Variants in ARMH4 observed in about 807,000 individuals in gnomAD.
ARMH4 encodes armadillo-like helical domain-containing protein 4.
ARMH4 carries 49 observed loss-of-function variants against 61.9 expected under a neutral mutation model. The observed-to-expected ratio is 0.79, with a 90% CI of 0.63 to 1.00. The LOEUF is 1.00. ARMH4 is among the 50% of genes least tolerant of loss of function. ARMH4 has a pLI of 0.00. For synonymous variants in ARMH4, 368 were observed against 341.5 expected, an observed-to-expected ratio of 1.08 and a Z score of -0.85; for missense variants, 934 against 930.0, an observed-to-expected ratio of 1.00 and a Z score of -0.06.
At chr14:58,137,599 T>C (rs930161133) in intron 2 of ARMH4, among the ~76,000 whole-genome samples, 2 of 152,190 alleles carry the variant, frequency 1.3e-5, no homozygotes, top group Non-Finnish European at 2.9e-5. Flanking sequence ...GGTTTCACCA[T>C]GTTGGCCAGG....
intron 1 of ARMH4, among the ~76,000 whole-genome samples, chr14:58,150,610 C>G (rs1019960121): frequency 2.0e-5 from 3 of 152,160 alleles, no homozygotes; most frequent in Admixed American, 2.0e-4. Flanking sequence ...AAAACAAAGA[C>G]AAATTCACAT....
chr14:58,141,175 AC>A (rs2139987606), intron 1 of ARMH4: 1 of 254,750 alleles, frequency 3.9e-6, no homozygotes, highest in East Asian at 1.1e-4. Flanking sequence ...AATGCTGAAT[AC>A]CAGTTACTTT....
At chr14:58,125,750 G>A (rs1427603303) in intron 4 of ARMH4, among the ~76,000 whole-genome samples, 1 of 152,180 alleles carries the variant, frequency 6.6e-6, no homozygotes, top group African/African-American at 2.4e-5. Flanking sequence ...AATTCAGCAG[G>A]AAGCAGTTAG....
intron 1 of ARMH4, chr14:58,141,603 C>A: frequency 2.2e-6 from 1 of 462,476 alleles, no homozygotes. Context: ...CCGGTGCTAT[C>A]AACTGCCACA....
chr14:58,057,092 ACCTCACAC>A (rs1428781978), intron 5 of ARMH4, among the ~76,000 whole-genome samples: 1 of 152,196 alleles, frequency 6.6e-6, no homozygotes, highest in East Asian at 1.9e-4. Flanking sequence ...TGGAATGCTT[ACCTCACAC>A]TTTTATCTGA....
chr14:58,117,995 C>T (rs894826271), intron 4 of ARMH4, among the ~76,000 whole-genome samples: 2 of 152,110 alleles, frequency 1.3e-5, no homozygotes, highest in African/African-American at 4.8e-5. Context: ...AACTCCTGGC[C>T]TCAAGCGATC....
intron 1 of ARMH4, chr14:58,141,535 G>T (rs372470312): frequency 7.6e-6 from 4 of 529,776 alleles, no homozygotes; most frequent in African/African-American, 1.9e-5. Flanking sequence ...CCGCCAGCTC[G>T]TCCAGAAATA....
intron 5 of ARMH4, among the ~76,000 whole-genome samples, chr14:58,091,608 G>A (rs561211091): frequency 3.9e-5 from 6 of 152,324 alleles, no homozygotes; most frequent in African/African-American, 1.4e-4. Context: ...AAATGGATAT[G>A]TTGATTCATC....
At position 58,138,028 on chromosome 14, in the gene ARMH4, T is replaced by C; in HGVS notation, c.1331A>G (p.Glu444Gly). The C allele has an allele frequency of 6.2e-7, 1 of 1,614,236 alleles. No individual in the cohort carries two copies. The highest frequency in any genetic ancestry group is 8.5e-7 in the Non-Finnish European group (1 of 1,180,044). Reference sequence around the variant, plus strand: ...TCCCAACAGTTGGTCTGCCTCAGACTCATATACAGAGACAGAAACAGTGGT... The same window carrying C: ...TCCCAACAGTTGGTCTGCCTCAGACCCATATACAGAGACAGAAACAGTGGT... ...LETTVSVSVY[E>G]SEADQLLGNT... The change falls in exon 2 of 8, where the codon GAG (glutamate) becomes GGG (glycine). Residue 444 changes from glutamate to glycine, a missense_variant. Glu to Gly is a moderately conservative substitution (Grantham distance 98). Transcript: ENST00000267485.
chr14:58,068,669 T>G (rs1299299122), intron 5 of ARMH4, among the ~76,000 whole-genome samples: 1 of 152,128 alleles, frequency 6.6e-6, no homozygotes. Context: ...CTCTTGGAAC[T>G]GAATTGATAT....
chr14:58,149,811 T>C (rs1455377423), intron 1 of ARMH4, among the ~76,000 whole-genome samples: 1 of 152,226 alleles, frequency 6.6e-6, no homozygotes, highest in Non-Finnish European at 1.5e-5. Context: ...ACAAAAGTGA[T>C]AATAGACATA....
At chr14:58,091,805 T>G (rs188043691) in intron 5 of ARMH4, among the ~76,000 whole-genome samples, 1 of 152,316 alleles carries the variant, frequency 6.6e-6, no homozygotes, top group Admixed American at 6.5e-5. Flanking sequence ...GCTTCCTATA[T>G]GCTACTAGCG....
chr14:58,089,120 T>C (rs555953066), intron 5 of ARMH4, among the ~76,000 whole-genome samples: 41 of 152,324 alleles, frequency 2.7e-4, no homozygotes, highest in South Asian at 1.2e-3. Context: ...GCTGGTTACA[T>C]TGGGCTGAGG....
intron 4 of ARMH4, among the ~76,000 whole-genome samples, chr14:58,121,712 AACAAAAT>A (rs1261945258): frequency 6.6e-5 from 10 of 152,200 alleles, no homozygotes; most frequent in African/African-American, 2.4e-4. Context: ...AGGAAAAGAC[AACAAAAT>A]GACTTACCAT....
intron 5 of ARMH4, among the ~76,000 whole-genome samples, chr14:58,085,747 A>G (rs1031984446): frequency 3.9e-5 from 6 of 152,224 alleles, no homozygotes; most frequent in African/African-American, 1.2e-4. Context: ...ATCAAGATAG[A>G]TAATTTGGAG....
chr14:58,043,056 A>G lies in ARMH4; in HGVS notation c.2090-30906T>C, dbSNP rs148014559. On this transcript the variant is annotated intron_variant, in intron 5 of 7. Coordinates refer to ENST00000267485, the MANE Select transcript of ARMH4 (RefSeq NM_001001872.4). Reference sequence around the variant, plus strand: ...AGGAGGTGGTACCATTCCTTCTGAAACTATTCCAATCAATAGAAAAAGAGG... The same window carrying G: ...AGGAGGTGGTACCATTCCTTCTGAAGCTATTCCAATCAATAGAAAAAGAGG... 4.7e-3 allele frequency among the ~76,000 whole-genome samples: 721 copies of G among 152,320 alleles called. 7 individuals carry two copies. The highest frequency in any genetic ancestry group is 0.017 in the African/African-American group (691 of 41,576).
At chr14:58,125,760 G>A (rs367980485) in intron 4 of ARMH4, among the ~76,000 whole-genome samples, 3 of 152,298 alleles carry the variant, frequency 2.0e-5, no homozygotes. Context: ...GAAGCAGTTA[G>A]AACGGTCGTC....
Position 58,103,026 on chromosome 14 carries a change from G to A in ARMH4, c.1832-6045C>T, listed in dbSNP as rs150912599. Among the ~76,000 whole-genome samples, 330 of 151,928 alleles carry A rather than the reference G, an allele frequency of 2.2e-3. 1 individual carries two copies. Among genetic ancestry groups the A allele is most frequent in the African/African-American group, 7.4e-3 (306 of 41,430 alleles). Reference sequence around the variant, plus strand: ...TGCATGCCTGTAATCCCAGCTACACGGGAGGCTGACGCATGAGAATTGCTT... The same window carrying A: ...TGCATGCCTGTAATCCCAGCTACACAGGAGGCTGACGCATGAGAATTGCTT... On this transcript the variant is annotated intron_variant, in intron 4 of 7. Transcript: ENST00000267485.
chr14:58,005,056 T>C lies in ARMH4; in HGVS notation c.2248A>G (p.Lys750Glu). The change falls in exon 7 of 8, where the codon AAA (lysine) becomes GAA (glutamate). Residue 750 changes from lysine to glutamate, a missense_variant. By Grantham distance (56) the Lys-to-Glu change is moderately conservative. Transcript: ENST00000267485. Reference protein sequence around the residue: ...RRRRNGFKRHKRKQREFNSMQ... With the variant: ...RRRRNGFKRHERKQREFNSMQ... ...TGTTGTTGGTTCCATACCTTTCTTT[T>C]ATGCCTTTTGAAGCCATTTCTCCTT... 1 of 1,614,070 alleles carries C rather than the reference T, an allele frequency of 6.2e-7. No homozygotes were observed. The highest frequency in any genetic ancestry group is 8.5e-7 in the Non-Finnish European group (1 of 1,179,928).
Sources: allele counts gnomAD v4.1 joint callset (sites outside exome capture counted in the v4.1 genomes callset), GRCh38; gene constraint gnomAD v4.1.1; transcripts MANE v1.5; gene names NCBI Gene and HGNC (gene_info 2026-07-23, HGNC 2026-07-21).